DCDC2: variants seen among roughly 807,000 people sequenced by gnomAD.
DCDC2 encodes doublecortin domain-containing protein 2.
DCDC2 carries 40 observed loss-of-function variants against 50.2 expected under a neutral mutation model. The observed-to-expected ratio is 0.80, with a 90% CI of 0.62 to 1.04. The LOEUF (loss-of-function observed/expected upper bound fraction) is 1.04, where lower values mean the gene tolerates loss of function less well. Among genes scored for constraint, DCDC2 ranks in the 50% least tolerant of loss-of-function variants. The pLI is 0.00. For missense variants in DCDC2, 570 were observed against 581.9 expected, an observed-to-expected ratio of 0.98 and a Z score of 0.21; for synonymous variants, 234 against 210.6, an observed-to-expected ratio of 1.11 and a Z score of -0.96.
the DCDC2 span, among the ~76,000 whole-genome samples, chr6:24,377,052 G>A: frequency 6.6e-6 from 1 of 152,144 alleles, no homozygotes; most frequent in Non-Finnish European, 1.5e-5. Context: ...GCCATCTGGA[G>A]GATTCTCCTG....
chr6:24,317,085 A>C (rs983447388), intron 2 of DCDC2, among the ~76,000 whole-genome samples: 10 of 152,030 alleles, frequency 6.6e-5, no homozygotes, highest in Non-Finnish European at 2.9e-5. Context: ...ACATACATGC[A>C]TACATCTGTA....
At chr6:24,190,540 TA>T in intron 8 of DCDC2, among the ~76,000 whole-genome samples, 1 of 152,142 alleles carries the variant, frequency 6.6e-6, no homozygotes, top group South Asian at 2.1e-4. Context: ...AAAATATATT[TA>T]AAAAAAGAAA....
At chr6:24,350,201 A>G (rs1481275131) in intron 2 of DCDC2, among the ~76,000 whole-genome samples, 4 of 152,198 alleles carry the variant, frequency 2.6e-5, no homozygotes, top group Admixed American at 2.0e-4. Flanking sequence ...AGCATTTCCA[A>G]TGTCAAGGTG....
At chr6:24,230,803 C>T (rs1055412214) in intron 7 of DCDC2, among the ~76,000 whole-genome samples, 34 of 152,198 alleles carry the variant, frequency 2.2e-4, no homozygotes, top group African/African-American at 8.0e-4. Context: ...AGCTTTTTCA[C>T]TAAAAGAACT....
chr6:24,357,659 C>G lies in DCDC2; in HGVS notation c.92G>C (p.Gly31Ala). 1 of 1,613,438 alleles carries G rather than the reference C, an allele frequency of 6.2e-7. No homozygotes were observed. Among genetic ancestry groups the G allele is most frequent in the South Asian group, 1.1e-5 (1 of 91,088 alleles). The change falls in exon 1 of 10, where the codon GGG becomes GCG. Residue 31 changes from glycine to alanine, a missense_variant. Transcript: ENST00000378454. ...VYRNGDPFYA[G>A]RRVVIHEKKV... ...CTTCTCATGGATGACGACGCGGCGC[C>G]CCGCGTAGAAGGGGTCCCCGTTGCG...
At chr6:24,357,301 C>A (rs2282398) in intron 1 of DCDC2, 157 bp downstream of exon 1, 2 of 836,568 alleles carry the variant, frequency 2.4e-6, no homozygotes, top group Non-Finnish European at 3.5e-6. Context: ...ACCTCTACCC[C>A]CCAACTGCAA....
At chr6:24,350,298 G>A (rs1427935488) in intron 2 of DCDC2, among the ~76,000 whole-genome samples, 5 of 152,088 alleles carry the variant, frequency 3.3e-5, no homozygotes, top group East Asian at 1.9e-4. Flanking sequence ...GCAACAAATC[G>A]TACCCATGGT....
At chr6:24,174,856 C>G in intron 9 of DCDC2, 22 bp from the exon 10 acceptor site, 1 of 1,521,776 alleles carries the variant, frequency 6.6e-7, no homozygotes, top group Non-Finnish European at 9.1e-7. Context: ...TAGATCAAAA[C>G]AAAGGTATTC....
At position 24,258,377 on chromosome 6, in the gene DCDC2, T is replaced by A. The variant is rs115466437; in HGVS notation, c.922+19672A>T. ...TTGGTCCACTTTACAAACATCTAGC[T>A]AGCCACAGAGAGCTGATTGGTGCAC... On this transcript the variant is annotated intron_variant, in intron 7 of 9. Coordinates refer to ENST00000378454, the MANE Select transcript of DCDC2 (RefSeq NM_016356.5). Among the ~76,000 whole-genome samples the A allele has an allele frequency of 4.4e-3, 674 of 152,286 alleles. 3 individuals carry two copies. Among genetic ancestry groups the A allele is most frequent in the Non-Finnish European group, 6.9e-3 (469 of 68,026 alleles).
chr6:24,184,563 T>A (rs1042091016), intron 8 of DCDC2, among the ~76,000 whole-genome samples: 34 of 130,948 alleles, frequency 2.6e-4, no homozygotes, highest in African/African-American at 1.0e-3. Flanking sequence ...AGAGAGAGAC[T>A]CTGTCTCAAA....
chr6:24,228,416 C>G (rs533926092), intron 7 of DCDC2, among the ~76,000 whole-genome samples: 8 of 152,052 alleles, frequency 5.3e-5, no homozygotes, highest in Admixed American at 5.2e-4. Context: ...TGGCCTGGGT[C>G]GAAGTGAATT....
chr6:24,357,396 T>G, intron 1 of DCDC2, 62 bp downstream of exon 1: 1 of 1,506,492 alleles, frequency 6.6e-7, no homozygotes, highest in Non-Finnish European at 8.9e-7. Flanking sequence ...TCTGCATTTC[T>G]TCATATCAAC....
chr6:24,331,327 G>A (rs1759961718), intron 2 of DCDC2, among the ~76,000 whole-genome samples: 1 of 150,054 alleles, frequency 6.7e-6, no homozygotes, highest in Non-Finnish European at 1.5e-5. Context: ...CAGAGACAGA[G>A]TCTTGCTCTG....
chr6:24,261,911 A>T (rs1423709757), intron 7 of DCDC2, among the ~76,000 whole-genome samples: 1 of 152,174 alleles, frequency 6.6e-6, no homozygotes, highest in Non-Finnish European at 1.5e-5. Context: ...TCAGGAAATG[A>T]GGTGGAGCAA....
chr6:24,305,547 A>G (rs1759455026), intron 2 of DCDC2, among the ~76,000 whole-genome samples: 1 of 152,210 alleles, frequency 6.6e-6, no homozygotes, highest in Non-Finnish European at 1.5e-5. Context: ...ACACAAAAAA[A>G]TTAAACCAAA....
intron 7 of DCDC2, among the ~76,000 whole-genome samples, chr6:24,243,571 T>G (rs1214052920): frequency 6.6e-6 from 1 of 152,200 alleles, no homozygotes; most frequent in Admixed American, 6.5e-5. Context: ...TGGCTCTCAT[T>G]TTTAATAGAA....
intron 6 of DCDC2, among the ~76,000 whole-genome samples, chr6:24,286,655 G>A (rs1338182271): frequency 4.4e-4 from 67 of 151,186 alleles, no homozygotes; most frequent in Admixed American, 4.4e-3. Flanking sequence ...GCAGGCCTCA[G>A]CTCTGCCATT....
chr6:24,284,170 G>A (rs1763540670), intron 6 of DCDC2, among the ~76,000 whole-genome samples: 1 of 152,144 alleles, frequency 6.6e-6, no homozygotes, highest in African/African-American at 2.4e-5. Context: ...ACTCAAAGAA[G>A]AGTTATAATA....
At chr6:24,380,705 C>T in the DCDC2 span, among the ~76,000 whole-genome samples, 2 of 152,076 alleles carry the variant, frequency 1.3e-5, no homozygotes, top group Non-Finnish European at 1.5e-5. Context: ...TCAGAACCCC[C>T]GGGAGAATTG....
Sources: allele counts gnomAD v4.1 joint callset (sites outside exome capture counted in the v4.1 genomes callset), GRCh38; gene constraint gnomAD v4.1.1; transcripts MANE v1.5; gene names NCBI Gene and HGNC (gene_info 2026-07-23, HGNC 2026-07-21).